UNC5C: variants seen among roughly 807,000 people sequenced by gnomAD.
UNC5C encodes unc-5 netrin receptor C.
In UNC5C, 47 loss-of-function variants were observed where a neutral mutation model predicts 99.8. The observed-to-expected ratio is 0.47, with a 90% CI of 0.37 to 0.60. The LOEUF (loss-of-function observed/expected upper bound fraction) is 0.60. Among genes scored for constraint, UNC5C ranks in the 20% least tolerant of loss-of-function variants. The pLI, the probability that UNC5C is intolerant of heterozygous loss-of-function variation, is 0.00. For missense variants in UNC5C, 1,062 were observed against 1,165.9 expected (o/e 0.91, Z 1.30); for synonymous variants, 487 against 452.2 (o/e 1.08, Z -0.98).
chr4:95,513,603 A>G (rs548646319), intron 1 of UNC5C, among the ~76,000 whole-genome samples: 158 of 152,322 alleles, frequency 1.0e-3, no homozygotes, highest in African/African-American at 3.5e-3. Flanking sequence ...ACACATTAAA[A>G]TGTAAATTTC....
intron 7 of UNC5C, among the ~76,000 whole-genome samples, chr4:95,225,245 C>T (rs116119338): frequency 0.031 from 4,702 of 152,180 alleles, 97 homozygotes; most frequent in South Asian, 0.073. Context: ...TTACTAGACG[C>T]GGGGTTTCAC....
intron 1 of UNC5C, among the ~76,000 whole-genome samples, chr4:95,410,967 G>T (rs1436784075): frequency 4.6e-5 from 7 of 152,196 alleles, no homozygotes; most frequent in Admixed American, 4.6e-4. Flanking sequence ...TGTCAGGAAA[G>T]GGACAAATGC....
At chr4:95,270,556 A>T (rs1241387683) in intron 4 of UNC5C, among the ~76,000 whole-genome samples, 2 of 152,240 alleles carry the variant, frequency 1.3e-5, no homozygotes, top group African/African-American at 4.8e-5. Flanking sequence ...CACTCTCTTA[A>T]TTGCACATAT....
intron 2 of UNC5C, among the ~76,000 whole-genome samples, chr4:95,310,877 A>C (rs1212176950): frequency 2.0e-5 from 3 of 152,170 alleles, no homozygotes; most frequent in Non-Finnish European, 4.4e-5. Flanking sequence ...TCTGCCTTAA[A>C]ACTTGAAATT....
At chr4:95,482,970 T>G (rs1215228195) in intron 1 of UNC5C, among the ~76,000 whole-genome samples, 2 of 141,882 alleles carry the variant, frequency 1.4e-5, no homozygotes, top group Non-Finnish European at 3.0e-5. Flanking sequence ...GTAACTAACC[T>G]GCACATTGTG....
At chr4:95,355,244 T>C (rs1482711453) in intron 1 of UNC5C, among the ~76,000 whole-genome samples, 1 of 152,132 alleles carries the variant, frequency 6.6e-6, no homozygotes, top group African/African-American at 2.4e-5. Flanking sequence ...TTACATGAAA[T>C]AAGGGAATGT....
At chr4:95,191,447 G>A (rs889948249) in intron 12 of UNC5C, among the ~76,000 whole-genome samples, 3 of 152,216 alleles carry the variant, frequency 2.0e-5, no homozygotes, top group Non-Finnish European at 2.9e-5. Flanking sequence ...TGGTGATTTT[G>A]TGCCAAAAAT....
Position 95,244,996 on chromosome 4 carries a change from G to T in UNC5C, c.924C>A (p.Ala308=), listed in dbSNP as rs1458553820. ...FCEGQSVQKI[A]CTTLCPVDGR... is the part of the protein sequence containing the mutation. ...ATTTACCTGGGCATAACGTAGTACAGGCTATTTTCTGCACACTCTGCCCTT... is the reference window on the plus strand; with the variant it reads ...ATTTACCTGGGCATAACGTAGTACATGCTATTTTCTGCACACTCTGCCCTT... The change falls in exon 6 of 16, where the codon GCC becomes GCA. Residue 308 remains alanine, a synonymous_variant. Transcript: ENST00000453304. 1.9e-6 allele frequency: 3 copies of T among 1,613,910 alleles called. No homozygotes were observed. Among genetic ancestry groups the T allele is most frequent in the Non-Finnish European group, 2.5e-6 (3 of 1,179,944 alleles).
intron 1 of UNC5C, among the ~76,000 whole-genome samples, chr4:95,488,554 G>A (rs1721390176): frequency 6.6e-6 from 1 of 151,576 alleles, no homozygotes; most frequent in Non-Finnish European, 1.5e-5. Context: ...TTTGGTATCT[G>A]TAATTTCTTA....
chr4:95,193,277 A>G (rs1463444268), intron 12 of UNC5C, among the ~76,000 whole-genome samples: 1 of 152,236 alleles, frequency 6.6e-6, no homozygotes, highest in Non-Finnish European at 1.5e-5. Flanking sequence ...TGGAGAGGAC[A>G]GCACAGAAGG....
In UNC5C at chr4:95,461,451, T is replaced by G. The variant is rs923334656; in HGVS notation, c.124+87283A>C. Reference sequence around the variant, plus strand: ...AATATTCCCAAAGTAAAATTATAAATTATTGTTGGCTTGTCTAAAATACAA... The same window carrying G: ...AATATTCCCAAAGTAAAATTATAAAGTATTGTTGGCTTGTCTAAAATACAA... On this transcript the variant is annotated intron_variant, in intron 1 of 15. Coordinates refer to ENST00000453304, the MANE Select transcript of UNC5C (RefSeq NM_003728.4). Among the ~76,000 whole-genome samples the G allele has an allele frequency of 2.0e-5, 3 of 150,212 alleles. 1 individual carries two copies. Among genetic ancestry groups the G allele is most frequent in the Non-Finnish European group, 4.4e-5 (3 of 67,832 alleles).
intron 1 of UNC5C, among the ~76,000 whole-genome samples, chr4:95,382,213 C>T (rs1436286271): frequency 9.9e-5 from 15 of 152,210 alleles, no homozygotes; most frequent in Admixed American, 7.8e-4. Flanking sequence ...CAGCTCACAC[C>T]TGTAATCCCA....
chr4:95,299,124 G>A (rs897725564), intron 3 of UNC5C, among the ~76,000 whole-genome samples: 11 of 152,154 alleles, frequency 7.2e-5, no homozygotes, highest in Admixed American at 7.2e-4. Flanking sequence ...TGGGATATAA[G>A]ACTTTTAAAG....
chr4:95,242,522 C>T lies in UNC5C; in HGVS notation c.1015G>A (p.Glu339Lys). 2 of 1,612,946 alleles carry T rather than the reference C, an allele frequency of 1.2e-6. No homozygotes were observed. Among genetic ancestry groups the T allele is most frequent in the Non-Finnish European group, 1.7e-6 (2 of 1,179,536 alleles). Residue 339 changes from glutamate (E) to lysine (K), a missense_variant, in exon 7 of 16, where the codon GAG (glutamate) becomes AAG (lysine). By Grantham distance (56) the Glu-to-Lys change is moderately conservative. Transcript: ENST00000453304. ...TTCTTGGGGGCTGGCGCCGTGCACT[C>T]CCTCCTGCGCCAGTGGGTGCACTCA... ...GTECTHWRRR[E>K]CTAPAPKNGG... is the part of the protein sequence containing the mutation.
intron 1 of UNC5C, among the ~76,000 whole-genome samples, chr4:95,546,624 C>A (rs977792350): frequency 1.2e-4 from 18 of 152,194 alleles, no homozygotes; most frequent in Admixed American, 9.2e-4. Flanking sequence ...ATACACCCAA[C>A]GGAGTACATT....
At chr4:95,309,844 A>G (rs1742213677) in intron 2 of UNC5C, among the ~76,000 whole-genome samples, 1 of 152,222 alleles carries the variant, frequency 6.6e-6, no homozygotes, top group South Asian at 2.1e-4. Context: ...GTAAATTAAT[A>G]CAGCCATATG....
At chr4:95,218,094 G>A (rs147682457) in intron 9 of UNC5C, among the ~76,000 whole-genome samples, 3,227 of 152,256 alleles carry the variant, frequency 0.021, 53 homozygotes, top group African/African-American at 0.028. Context: ...TATTCCTTGA[G>A]TATACACATA....
At chr4:95,450,720 A>C (rs1438526234) in intron 1 of UNC5C, among the ~76,000 whole-genome samples, 1 of 152,232 alleles carries the variant, frequency 6.6e-6, no homozygotes, top group East Asian at 1.9e-4. Flanking sequence ...AAAGTCATCC[A>C]TTTAATACAT....
intron 2 of UNC5C, among the ~76,000 whole-genome samples, chr4:95,304,568 C>G (rs1034196588): frequency 2.0e-5 from 3 of 151,894 alleles, no homozygotes; most frequent in South Asian, 2.1e-4. Context: ...ATCTTTCTCT[C>G]TCTCTCTTTT....
Sources: allele counts gnomAD v4.1 joint callset (sites outside exome capture counted in the v4.1 genomes callset), GRCh38; gene constraint gnomAD v4.1.1; transcripts MANE v1.5; gene names NCBI Gene and HGNC (gene_info 2026-07-23, HGNC 2026-07-21).